The following CUL1 variants were observed in gnomAD, a reference collection of about 807,000 sequenced individuals.
CUL1 encodes cullin 1.
CUL1 carries 24 observed loss-of-function variants against 118.0 expected under a neutral mutation model. That is an observed-to-expected ratio of 0.20 (90% CI 0.15 to 0.29). The LOEUF is 0.29. CUL1 is among the 10% of genes least tolerant of loss of function. CUL1 has a pLI of 1.00. For synonymous variants in CUL1, 332 were observed against 340.4 expected (o/e 0.98, Z 0.27); for missense variants, 361 against 933.8 (o/e 0.39, Z 7.99).
chr7:148,708,448 T>C (rs1270725318), intron 1 of CUL1, among the ~76,000 whole-genome samples: 1 of 152,262 alleles, frequency 6.6e-6, no homozygotes, highest in Non-Finnish European at 1.5e-5. Context: ...CCTTCCTCTT[T>C]GGCCCCGCTG....
chr7:148,766,859 G>GT, intron 8 of CUL1, 136 bp downstream of exon 8: 1 of 752,596 alleles, frequency 1.3e-6, no homozygotes, highest in Non-Finnish European at 2.1e-6. Flanking sequence ...TTTGTACATC[G>GT]TTATGTGCCA....
At chr7:148,769,636 T>G (rs1300803385) in intron 9 of CUL1, among the ~76,000 whole-genome samples, 1 of 152,228 alleles carries the variant, frequency 6.6e-6, no homozygotes, top group Non-Finnish European at 1.5e-5. Context: ...TCAGATAGAT[T>G]AATGAAGCAG....
At chr7:148,786,955 C>A in intron 12 of CUL1, 34 bp from the exon 13 acceptor site, 1 of 1,594,820 alleles carries the variant, frequency 6.3e-7, no homozygotes, top group South Asian at 1.1e-5. Flanking sequence ...TGTGTGTGTG[C>A]TGGTTAAGTG....
intron 3 of CUL1, among the ~76,000 whole-genome samples, chr7:148,755,726 C>A (rs549228846): frequency 2.6e-5 from 4 of 152,168 alleles, no homozygotes; most frequent in Non-Finnish European, 5.9e-5. Flanking sequence ...GTACCATCAT[C>A]CAAAATAGCT....
intron 1 of CUL1, among the ~76,000 whole-genome samples, chr7:148,705,382 G>A (rs1797848553): frequency 6.6e-6 from 1 of 152,110 alleles, no homozygotes; most frequent in South Asian, 2.1e-4. Context: ...AAGTATTTTG[G>A]TCTAGTTTCT....
rs756084172 is a variant in CUL1, at chr7:148,781,039, CTCT to C, written c.1084-2743_1084-2741del. Among the ~76,000 whole-genome samples the C allele has an allele frequency of 4.1e-5, 6 of 146,318 alleles. No homozygotes were observed. The South Asian group carries it at 1.3e-3, about 31-fold the overall frequency. On this transcript the variant is annotated intron_variant, in intron 9 of 21. Transcript: ENST00000325222. Reference sequence around the variant, plus strand: ...CTTGACCAGTTCCTAAATGGCTTTTCTCTGAACCTCAAATGCTAAATTCACATT... The same window carrying C: ...CTTGACCAGTTCCTAAATGGCTTTTCGAACCTCAAATGCTAAATTCACATT...
rs1350924900 is a variant in CUL1 at position 148,786,870 on chromosome 7, A to G, written c.1348-119A>G. On this transcript the variant is annotated intron_variant, in intron 12 of 21. Coordinates refer to ENST00000325222, the MANE Select transcript of CUL1 (RefSeq NM_003592.3). The stretch of plus-strand genomic sequence containing the variant: ...TTTGCCATCATAAACGTTGGCGTAC[A>G]GACCTGCCCAAAGCCAAAGGCACAT... 2.2e-6 allele frequency: 3 copies of G among 1,359,356 alleles called. No individual in the cohort carries two copies. In the African/African-American group the frequency reaches 4.4e-5, roughly 20 times the overall value. The allele number at this position is 1,359,356 out of a possible 1,614,324, so 84.2% of individuals were successfully genotyped here.
chr7:148,707,533 A>C (rs186496742), intron 1 of CUL1, among the ~76,000 whole-genome samples: 1 of 152,054 alleles, frequency 6.6e-6, no homozygotes, highest in Admixed American at 6.6e-5. Flanking sequence ...AGGGTACCAC[A>C]GGTTCGTTAC....
intron 5 of CUL1, 28 bp downstream of exon 5, chr7:148,759,382 T>C (rs1239245831): frequency 6.2e-7 from 1 of 1,612,018 alleles, no homozygotes; most frequent in Non-Finnish European, 8.5e-7. Context: ...CGTGTGCATG[T>C]TCCTTTTAAA....
intron 9 of CUL1, among the ~76,000 whole-genome samples, chr7:148,779,530 C>T (rs1800539015): frequency 6.6e-6 from 1 of 152,224 alleles, no homozygotes; most frequent in East Asian, 1.9e-4. Flanking sequence ...TGGGCGTACA[C>T]ACAGCCCATT....
chr7:148,756,493 G>A (rs112739733), intron 3 of CUL1, among the ~76,000 whole-genome samples: 1 of 152,036 alleles, frequency 6.6e-6, no homozygotes, highest in African/African-American at 2.4e-5. Context: ...GTGCCACCAC[G>A]CCCCGGCTAA....
rs536578285 is a variant in CUL1 at position 148,781,408 on chromosome 7, T to C, written c.1084-2375T>C. Among the ~76,000 whole-genome samples the C allele has an allele frequency of 2.0e-5, 3 of 152,208 alleles. No homozygotes were observed. The South Asian group carries it at 6.2e-4, about 32-fold the overall frequency. The stretch of plus-strand genomic sequence containing the variant: ...GGCCAGTGTTTTGACACTTTTCCTT[T>C]AGTAGGTTCCATGCAAGTCCTCCCA... On this transcript the variant is annotated intron_variant, in intron 9 of 21. Transcript: ENST00000325222.
intron 11 of CUL1, among the ~76,000 whole-genome samples, chr7:148,786,112 T>A (rs1466572106): frequency 6.6e-6 from 1 of 152,176 alleles, no homozygotes; most frequent in Non-Finnish European, 1.5e-5. Flanking sequence ...GGGCAGCAGT[T>A]TAGTAGGAAT....
At chr7:148,781,496 C>T (rs1040493499) in intron 9 of CUL1, among the ~76,000 whole-genome samples, 4 of 152,228 alleles carry the variant, frequency 2.6e-5, no homozygotes, top group African/African-American at 9.6e-5. Context: ...GACTTCTTTA[C>T]TCCTGGAGAT....
chr7:148,741,194 G>A (rs755273195), intron 2 of CUL1, among the ~76,000 whole-genome samples: 5 of 152,158 alleles, frequency 3.3e-5, no homozygotes, highest in Non-Finnish European at 5.9e-5. Flanking sequence ...TTACTATTAC[G>A]AATAGTGCTG....
intron 17 of CUL1, 29 bp from the exon 18 acceptor site, chr7:148,797,783 T>C (rs1329608244): frequency 2.5e-6 from 4 of 1,597,850 alleles, no homozygotes; most frequent in Non-Finnish European, 3.4e-6. Flanking sequence ...ATTTTCCCTT[T>C]AACTTCCTCT....
At position 148,757,107 on chromosome 7, in the gene CUL1, G is replaced by A; in HGVS notation, c.440G>A (p.Arg147His). ...CAYLNRHWVR[R>H]ECDEGRKGIY... is the part of the protein sequence containing the mutation. The stretch of plus-strand genomic sequence containing the variant: ...TACCTCAATAGACATTGGGTTCGCC[G>A]TGAATGTGACGAAGGACGAAAAGGA... Residue 147 changes from arginine (R) to histidine (H), a missense_variant, in exon 4 of 22, where the codon CGT becomes CAT. By Grantham distance (29) the Arg-to-His change is conservative. Coordinates refer to ENST00000325222, the MANE Select transcript of CUL1 (RefSeq NM_003592.3). 6.3e-7 allele frequency: 1 copy of A among 1,587,386 alleles called. No individual in the cohort carries two copies. Among genetic ancestry groups the A allele is most frequent in the Non-Finnish European group, 8.6e-7 (1 of 1,168,324 alleles).
At chr7:148,765,761 A>C (rs1237070370) in intron 7 of CUL1, among the ~76,000 whole-genome samples, 3 of 152,248 alleles carry the variant, frequency 2.0e-5, no homozygotes, top group Non-Finnish European at 4.4e-5. Context: ...TGATAATTTA[A>C]TAGTTTCTCT....
At chr7:148,702,501 T>C (rs1000990278) in intron 1 of CUL1, among the ~76,000 whole-genome samples, 3 of 152,204 alleles carry the variant, frequency 2.0e-5, no homozygotes, top group African/African-American at 7.2e-5. Context: ...GGAAAAACGG[T>C]CTTAAAGAAC....
Sources: gnomAD v4.1 joint callset for allele counts (sites outside exome capture counted in the v4.1 genomes callset) on GRCh38, gnomAD v4.1.1 for gene constraint, MANE v1.5 for transcripts, NCBI Gene and HGNC (gene_info 2026-07-23, HGNC 2026-07-21) for gene names.